CENPE: variants seen among roughly 807,000 people sequenced by gnomAD.
CENPE encodes the protein centromere protein E.
CENPE carries 145 observed loss-of-function variants against 336.1 expected under a neutral mutation model. The observed-to-expected ratio is 0.43, with a 90% CI of 0.38 to 0.50. The LOEUF (loss-of-function observed/expected upper bound fraction) is 0.50. CENPE is among the 20% of genes least tolerant of loss of function. The pLI is 0.00. For synonymous variants in CENPE, 1,013 were observed against 984.8 expected (o/e 1.03, Z -0.54); for missense variants, 2,719 against 3,023.3 (o/e 0.90, Z 2.36).
intron 42 of CENPE, among the ~76,000 whole-genome samples, chr4:103,131,773 G>T (rs1751608742): frequency 6.6e-6 from 1 of 152,018 alleles, no homozygotes; most frequent in South Asian, 2.1e-4. Flanking sequence ...GCATTAAAAA[G>T]AAATAAGCTA....
intron 42 of CENPE, among the ~76,000 whole-genome samples, chr4:103,123,890 A>G (rs897794668): frequency 6.6e-6 from 1 of 152,186 alleles, no homozygotes; most frequent in Admixed American, 6.5e-5. Context: ...ACTATATCAA[A>G]ATGTCTAGGT....
Position 103,196,233 on chromosome 4 carries a change from A to G in CENPE, c.168T>C (p.Asn56=). 1 of 1,612,682 alleles carries G rather than the reference A, an allele frequency of 6.2e-7. No individual in the cohort carries two copies. The highest frequency in any genetic ancestry group is 1.7e-5 in the Admixed American group (1 of 60,004). The change falls in exon 3 of 49, where the codon AAT becomes AAC. Residue 56 remains asparagine (N), a synonymous_variant. Transcript: ENST00000265148. ...SFNFDRVFHG[N]ETTKNVYEEI... The stretch of plus-strand genomic sequence containing the variant: ...CTTCATACACATTTTTGGTAGTTTC[A>G]TTACCATGAAAGACACGATCTAAAC...
chr4:103,174,731 CT>C lies in CENPE; in HGVS notation c.1647+4del. 6.7e-7 allele frequency: 1 copy of C among 1,502,956 alleles called. No individual in the cohort carries two copies. Among genetic ancestry groups the C allele is most frequent in the Non-Finnish European group, 8.9e-7 (1 of 1,124,922 alleles). The allele number at this position is 1,502,956 out of a possible 1,614,324, so 93.1% of individuals were successfully genotyped here. A position where few individuals can be genotyped will look rare whatever the true frequency, so the allele number is the denominator to read the frequency against. On this transcript the variant is annotated splice_donor_region_variant and intron_variant, in intron 16 of 48. Coordinates refer to ENST00000265148, the MANE Select transcript of CENPE (RefSeq NM_001813.3). Reference sequence around the variant, plus strand: ...AGTTTAGTTTTACATTTCTGTCTCTCTTACCTCTTGATCTTTTTTAGTTTTT... The same window carrying C: ...AGTTTAGTTTTACATTTCTGTCTCTCTACCTCTTGATCTTTTTTAGTTTTT...
At chr4:103,115,601 T>C (rs1247381875) in intron 45 of CENPE, among the ~76,000 whole-genome samples, 1 of 152,156 alleles carries the variant, frequency 6.6e-6, no homozygotes, top group Non-Finnish European at 1.5e-5. Flanking sequence ...ATAGGAAGAA[T>C]GAAAAGTGTT....
intron 16 of CENPE, among the ~76,000 whole-genome samples, chr4:103,171,004 C>T (rs758371341): frequency 6.6e-6 from 1 of 152,062 alleles, no homozygotes; most frequent in Non-Finnish European, 1.5e-5. Context: ...AATATATATG[C>T]ACACTGAACA....
chr4:103,188,820 C>T (rs1757033121), intron 8 of CENPE, among the ~76,000 whole-genome samples: 1 of 152,002 alleles, frequency 6.6e-6, no homozygotes, highest in Non-Finnish European at 1.5e-5. Flanking sequence ...GACAGAGACA[C>T]AAAAAACCCT....
intron 48 of CENPE, 59 bp downstream of exon 48, chr4:103,108,744 T>C (rs1056707733): frequency 6.8e-7 from 1 of 1,474,144 alleles, no homozygotes; most frequent in African/African-American, 1.4e-5. Flanking sequence ...GGATCACATA[T>C]TAATGATAAG....
At chr4:103,194,729 C>T in intron 5 of CENPE, 45 bp from the exon 6 acceptor site, 1 of 1,478,176 alleles carries the variant, frequency 6.8e-7, no homozygotes, top group Non-Finnish European at 9.2e-7. Flanking sequence ...ATAGAAGTCA[C>T]AAGTTTGCTT....
intron 42 of CENPE, among the ~76,000 whole-genome samples, chr4:103,127,258 A>G (rs1210202593): frequency 1.3e-5 from 2 of 152,102 alleles, no homozygotes; most frequent in Non-Finnish European, 2.9e-5. Flanking sequence ...GGGAGTGAAG[A>G]TAAGAATTAC....
chr4:103,173,901 CT>C (rs1224478543), intron 16 of CENPE, among the ~76,000 whole-genome samples: 1 of 151,824 alleles, frequency 6.6e-6, no homozygotes, highest in Admixed American at 6.6e-5. Context: ...AAAGAGAATC[CT>C]TTTATACTGT....
intron 24 of CENPE, 132 bp from the exon 25 acceptor site, chr4:103,153,382 G>A (rs1397154359): frequency 3.2e-6 from 2 of 622,014 alleles, no homozygotes; most frequent in African/African-American, 1.9e-5. Context: ...AATCTTGACA[G>A]TAACTTTATG....
At chr4:103,174,382 T>C (rs536799014) in intron 16 of CENPE, among the ~76,000 whole-genome samples, 1 of 152,062 alleles carries the variant, frequency 6.6e-6, no homozygotes, top group African/African-American at 2.4e-5. Flanking sequence ...CTTGGTCAGA[T>C]GACATAATGA....
chr4:103,127,015 T>C (rs1751167410), intron 42 of CENPE, among the ~76,000 whole-genome samples: 1 of 144,590 alleles, frequency 6.9e-6, no homozygotes, highest in Admixed American at 7.0e-5. Flanking sequence ...TTTGAAGTAA[T>C]AACGACTAAG....
At chr4:103,122,274 C>T (rs1342589559) in intron 43 of CENPE, among the ~76,000 whole-genome samples, 1 of 151,966 alleles carries the variant, frequency 6.6e-6, no homozygotes, top group Non-Finnish European at 1.5e-5. Context: ...TATTGGGTTC[C>T]CTACAAGTCG....
intron 43 of CENPE, among the ~76,000 whole-genome samples, chr4:103,122,431 C>T (rs1422874403): frequency 1.3e-5 from 2 of 151,978 alleles, no homozygotes; most frequent in Non-Finnish European, 2.9e-5. Context: ...ATTTTTTAAC[C>T]TCTTATATTT....
At chr4:103,146,748 C>T (rs948577346) in intron 29 of CENPE, among the ~76,000 whole-genome samples, 2 of 152,134 alleles carry the variant, frequency 1.3e-5, no homozygotes, top group African/African-American at 4.8e-5. Flanking sequence ...GAAAGGATAA[C>T]TTAGGCTTAG....
chr4:103,124,372 G>A lies in CENPE; in HGVS notation c.6925-1283C>T, dbSNP rs114019764. ...AATAAAATGAATAATGACTAGAGAG[G>A]ATTCATATTGATCTGCAAGATGATA... is the stretch of plus-strand genomic sequence containing the variant. On this transcript the variant is annotated intron_variant, in intron 42 of 48. Transcript: ENST00000265148. Among the ~76,000 whole-genome samples, 745 of 152,200 alleles carry A rather than the reference G, an allele frequency of 4.9e-3. 6 individuals carry two copies. The highest frequency in any genetic ancestry group is 0.01 in the Middle Eastern group (3 of 294).
chr4:103,151,376 G>A lies in CENPE; in HGVS notation c.3239C>T (p.Thr1080Ile), dbSNP rs1753550482. The change falls in exon 26 of 49, where the codon ACC becomes ATC. Residue 1080 changes from threonine (T) to isoleucine (I), a missense_variant and splice_region_variant. Physicochemically the swap from Thr to Ile is moderately conservative, Grantham distance 89. Coordinates refer to ENST00000265148, the MANE Select transcript of CENPE (RefSeq NM_001813.3). ...KTDLKENIEM[T>I]IENQEELRLL... ...TCTTAATTCTTCCTGGTTTTCAATG[G>A]TCTAGAAAGAAAAAAAAAGTTGAGA... The A allele has an allele frequency of 6.4e-7, 1 of 1,553,612 alleles. No individual in the cohort carries two copies. Among genetic ancestry groups the A allele is most frequent in the South Asian group, 1.2e-5 (1 of 81,254 alleles).
In CENPE at chr4:103,108,906, T is replaced by C; in HGVS notation, c.7908A>G (p.Pro2636=). 2 of 1,613,958 alleles carry C rather than the reference T, an allele frequency of 1.2e-6. No homozygotes were observed. Among genetic ancestry groups the C allele is most frequent in the Non-Finnish European group, 1.7e-6 (2 of 1,179,866 alleles). ...AAAAACAAGATTTTGGTGATTCCTT[T>C]GGCACAGGATCTTGTAAATTCCGTT... ...CKERNLQDPV[P]KESPKSCFFD... Residue 2636 remains proline (P), a synonymous_variant, in exon 48 of 49, where the codon CCA becomes CCG. Coordinates refer to ENST00000265148, the MANE Select transcript of CENPE (RefSeq NM_001813.3).
Sources: gnomAD v4.1 joint callset for allele counts (sites outside exome capture counted in the v4.1 genomes callset) on GRCh38, gnomAD v4.1.1 for gene constraint, MANE v1.5 for transcripts, NCBI Gene and HGNC (gene_info 2026-07-23, HGNC 2026-07-21) for gene names.